The following POGLUT3 variants were observed in gnomAD, a reference collection of about 807,000 sequenced individuals.
The protein encoded by POGLUT3 is protein O-glucosyltransferase 3.
In POGLUT3, 48 loss-of-function variants were observed where a neutral mutation model predicts 54.3. The ratio of observed to expected loss-of-function variants is 0.88; its 90% CI spans 0.70 to 1.12. The LOEUF (loss-of-function observed/expected upper bound fraction) is 1.12, where lower values mean the gene tolerates loss of function less well. Ranked by LOEUF, POGLUT3 falls within the 50% of genes most tolerant of loss-of-function variation. POGLUT3 has a pLI of 0.00. For synonymous variants in POGLUT3, 218 were observed against 237.4 expected (o/e 0.92, Z 0.75); for missense variants, 629 against 618.7 (o/e 1.02, Z -0.18).
intron 1 of POGLUT3, among the ~76,000 whole-genome samples, chr11:108,496,857 T>C (rs975621542): frequency 6.6e-6 from 1 of 152,232 alleles, no homozygotes; most frequent in African/African-American, 2.4e-5. Context: ...GAGGCTACAA[T>C]CAACCAGGCT....
Position 108,480,537 on chromosome 11 carries a change from T to C in POGLUT3, c.1098+643A>G, listed in dbSNP as rs140060672. ...TCCAAATCCCCTGTTCTACTCATTG[T>C]ATCACTCTGGGATGAAGAGGACACA... On this transcript the variant is annotated intron_variant, in intron 5 of 7. Coordinates refer to ENST00000323468, the MANE Select transcript of POGLUT3 (RefSeq NM_153705.5). 2.1e-4 allele frequency among the ~76,000 whole-genome samples: 32 copies of C among 152,358 alleles called. No individual in the cohort carries two copies. In the East Asian group the frequency reaches 5.0e-3, roughly 24 times the overall value.
intron 5 of POGLUT3, among the ~76,000 whole-genome samples, chr11:108,480,743 T>G (rs2093590706): frequency 6.6e-6 from 1 of 152,180 alleles, no homozygotes; most frequent in South Asian, 2.1e-4. Flanking sequence ...GTCCCATAGT[T>G]GGTGGCAGAG....
In POGLUT3 at chr11:108,486,164, G is replaced by A. The variant is rs1388573636; in HGVS notation, c.677C>T (p.Thr226Ile). Residue 226 changes from threonine (T) to isoleucine (I), a missense_variant, in exon 3 of 8, where the codon ACA becomes ATA. Physicochemically the swap from Thr to Ile is moderately conservative, Grantham distance 89 (BLOSUM62 -1). Transcript: ENST00000323468. ...MFSDEILLSL[T>I]RKVLLPDLEF... Reference sequence around the variant, plus strand: ...ATTCATTCATTCTCCTACCTTTCTTGTCAATGATAACAAAATCTCATCAGA... The same window carrying A: ...ATTCATTCATTCTCCTACCTTTCTTATCAATGATAACAAAATCTCATCAGA... 6.2e-7 allele frequency: 1 copy of A among 1,603,696 alleles called. No individual in the cohort carries two copies. The highest frequency in any genetic ancestry group is 1.1e-5 in the South Asian group (1 of 90,832).
Position 108,498,282 on chromosome 11 carries a change from C to A in POGLUT3, c.85G>T (p.Ala29Ser), listed in dbSNP as rs745453712. The A allele has an allele frequency of 5.0e-5, 74 of 1,488,178 alleles. 1 individual carries two copies. The African/African-American group carries it at 9.5e-4, about 19-fold the overall frequency. 92.2% of individuals were successfully genotyped at this position (1,488,178 alleles called of 1,614,324 possible). A position where few individuals can be genotyped will look rare whatever the true frequency, so the allele number is the denominator to read the frequency against. Residue 29 changes from alanine (A) to serine (S), a missense_variant, in exon 1 of 8, where the codon GCG becomes TCG. Physicochemically the swap from Ala to Ser is moderately conservative, Grantham distance 99 (BLOSUM62 1). Transcript: ENST00000323468. ...GGCCCCCACACCAGGCTCCGCGGCG[C>A]GCTGACCAGCACCTCCGGGGCCCCC... The part of the protein sequence containing the change: ...AAGAPEVLVS[A>S]PRSLVWGPGL...
chr11:108,494,183 A>C (rs2093618209), intron 1 of POGLUT3, among the ~76,000 whole-genome samples: 1 of 152,236 alleles, frequency 6.6e-6, no homozygotes, highest in African/African-American at 2.4e-5. Flanking sequence ...CAGCAGAGCC[A>C]ATATTTGAAT....
chr11:108,489,739 T>C (rs1489015375), intron 2 of POGLUT3, among the ~76,000 whole-genome samples: 2 of 151,982 alleles, frequency 1.3e-5, no homozygotes, highest in African/African-American at 4.8e-5. Flanking sequence ...CTAGGTAACA[T>C]AAAAAGACCC....
Position 108,482,000 on chromosome 11 carries a change from G to C in POGLUT3, c.901+6C>G. On this transcript the variant is annotated splice_donor_region_variant and intron_variant, in intron 4 of 7. Coordinates refer to ENST00000323468, the MANE Select transcript of POGLUT3 (RefSeq NM_153705.5). ...TCATTAATTAGCCTTGCATTTCCCT[G>C]AATACCTGTATTTCCCTGAATAGAG... 1 of 1,603,610 alleles carries C rather than the reference G, an allele frequency of 6.2e-7. No homozygotes were observed. The highest frequency in any genetic ancestry group is 8.5e-7 in the Non-Finnish European group (1 of 1,171,036).
intron 7 of POGLUT3, 102 bp from the exon 8 acceptor site, chr11:108,475,054 C>T: frequency 2.4e-6 from 3 of 1,256,762 alleles, no homozygotes; most frequent in Non-Finnish European, 3.4e-6. Flanking sequence ...TTTCTAGTTG[C>T]TGTGTGTCTG....
intron 1 of POGLUT3, among the ~76,000 whole-genome samples, chr11:108,493,249 G>A (rs2093616272): frequency 6.6e-6 from 1 of 152,088 alleles, no homozygotes; most frequent in South Asian, 2.1e-4. Context: ...ATTTCAAAAT[G>A]TATGTATACA....
At chr11:108,479,269 G>A in intron 6 of POGLUT3, 32 bp downstream of exon 6, 1 of 1,485,914 alleles carries the variant, frequency 6.7e-7, no homozygotes. Context: ...ATTTGTTATT[G>A]CTTAAAGAAA....
chr11:108,498,327 G>C lies in POGLUT3; in HGVS notation c.40C>G (p.Leu14Val), dbSNP rs1025537530. ...LPRALLLQLRLALLVAAGAPE... is the reference protein window; with the variant it reads ...LPRALLLQLRVALLVAAGAPE... ...GCCCCCGCGGCCACCAGCAGGGCGA[G>C]GCGCAGCTGCAGCAGCAGGGCCCGC... is the stretch of plus-strand genomic sequence containing the variant. The change falls in exon 1 of 8, where the codon CTC becomes GTC. Residue 14 changes from leucine (L) to valine (V), a missense_variant. Leu to Val is a conservative substitution (Grantham distance 32). Coordinates refer to ENST00000323468, the MANE Select transcript of POGLUT3 (RefSeq NM_153705.5). 7.1e-7 allele frequency: 1 copy of C among 1,401,094 alleles called. No homozygotes were observed. The highest frequency in any genetic ancestry group is 3.1e-5 in the East Asian group (1 of 31,950). 86.8% of individuals were successfully genotyped at this position (1,401,094 alleles called of 1,614,324 possible).
intron 4 of POGLUT3, 125 bp downstream of exon 4, chr11:108,481,881 T>A: frequency 1.4e-6 from 1 of 694,126 alleles, no homozygotes; most frequent in Admixed American, 2.9e-5. Context: ...CTTTAATCCC[T>A]AGGTTGGTCA....
intron 3 of POGLUT3, among the ~76,000 whole-genome samples, chr11:108,483,763 G>C (rs2093597134): frequency 6.6e-6 from 1 of 152,140 alleles, no homozygotes; most frequent in African/African-American, 2.4e-5. Flanking sequence ...CTGCCTCTCA[G>C]GTTCAAGTGA....
At chr11:108,485,980 T>C (rs2093602540) in intron 3 of POGLUT3, among the ~76,000 whole-genome samples, 177 bp downstream of exon 3, 1 of 152,080 alleles carries the variant, frequency 6.6e-6, no homozygotes, top group Non-Finnish European at 1.5e-5. Context: ...ATTTTAAATC[T>C]TACAGGAAAG....
intron 6 of POGLUT3, chr11:108,477,928 C>A: frequency 1.9e-6 from 1 of 535,944 alleles, no homozygotes; most frequent in South Asian, 2.3e-5. Context: ...GCTAGAAGAT[C>A]ACTTAAGGTC....
chr11:108,474,795 C>T lies in POGLUT3; in HGVS notation c.*32G>A, dbSNP rs369930087. The T allele has an allele frequency of 6.1e-5, 99 of 1,612,272 alleles. No homozygotes were observed. The highest frequency in any genetic ancestry group is 8.0e-5 in the African/African-American group (6 of 74,792). On this transcript the variant is annotated 3_prime_UTR_variant, in exon 8 of 8. Transcript: ENST00000323468. Reference sequence around the variant, plus strand: ...ATTCAATCTTTCCTTAAAGTGTAGCCGGGATACACAGGAGTGTGATTCTGG... The same window carrying T: ...ATTCAATCTTTCCTTAAAGTGTAGCTGGGATACACAGGAGTGTGATTCTGG...
At chr11:108,494,558 G>A (rs995152424) in intron 1 of POGLUT3, among the ~76,000 whole-genome samples, 1 of 152,228 alleles carries the variant, frequency 6.6e-6, no homozygotes. Context: ...GGAGCCCACT[G>A]GGCAAGGCAT....
rs963679885 is a variant in POGLUT3, at chr11:108,482,030, G to A, written c.877C>T (p.Leu293Phe). The part of the protein sequence containing the change: ...LEAMRGVTND[L>F]LSIQGNTGPS... Reference sequence around the variant, plus strand: ...CCTGTATTTCCCTGAATAGAGAGGAGATCATTTGTAACACCCCGCATGGCT... The same window carrying A: ...CCTGTATTTCCCTGAATAGAGAGGAAATCATTTGTAACACCCCGCATGGCT... Residue 293 changes from leucine to phenylalanine, a missense_variant, in exon 4 of 8, where the codon CTC becomes TTC. Leu to Phe is a conservative substitution (Grantham distance 22, BLOSUM62 0). Transcript: ENST00000323468. 2.5e-6 allele frequency: 4 copies of A among 1,613,620 alleles called. No homozygotes were observed. Among genetic ancestry groups the A allele is most frequent in the South Asian group, 1.1e-5 (1 of 91,056 alleles).
At chr11:108,491,560 G>T (rs556380624) in intron 1 of POGLUT3, 39 of 243,144 alleles carry the variant, frequency 1.6e-4, no homozygotes, top group African/African-American at 8.6e-4. Context: ...GATGGTGGGG[G>T]GCGGGATGGG....
Sources: gnomAD v4.1 joint callset for allele counts (sites outside exome capture counted in the v4.1 genomes callset) on GRCh38, gnomAD v4.1.1 for gene constraint, MANE v1.5 for transcripts, NCBI Gene and HGNC (gene_info 2026-07-23, HGNC 2026-07-21) for gene names.